Variants in SNX29 observed in about 807,000 individuals in gnomAD.
SNX29 encodes sorting nexin-29.
A neutral mutation model predicts 102.1 loss-of-function variants in SNX29; 78 were observed. The observed-to-expected ratio is 0.76, with a 90% CI of 0.64 to 0.92. The LOEUF is 0.92. Among genes scored for constraint, SNX29 ranks in the 40% least tolerant of loss-of-function variants. The probability of loss-of-function intolerance (pLI) is 0.00; values close to 1 mark genes in which losing one functional copy is unlikely to be tolerated. For missense variants in SNX29, 1,280 were observed against 1,061.7 expected (o/e 1.21, Z -2.86); for synonymous variants, 580 against 414.5 (o/e 1.40, Z -4.85).
intron 20 of SNX29, among the ~76,000 whole-genome samples, chr16:12,549,727 A>C (rs1425715729): frequency 6.6e-6 from 1 of 152,160 alleles, no homozygotes; most frequent in Admixed American, 6.5e-5. Flanking sequence ...TCACCCTACA[A>C]AGTGTGTTCC....
intron 15 of SNX29, among the ~76,000 whole-genome samples, chr16:12,287,917 A>C (rs959448706): frequency 6.6e-6 from 1 of 152,144 alleles, no homozygotes; most frequent in African/African-American, 2.4e-5. Context: ...GGTGTATTAC[A>C]TGTGTGGTAC....
chr16:12,199,715 G>C, intron 14 of SNX29, 32 bp downstream of exon 14: 1 of 1,593,414 alleles, frequency 6.3e-7, no homozygotes, highest in South Asian at 1.1e-5. Flanking sequence ...GGTTGGGAGG[G>C]GCCGGGCTTT....
rs1468859460 is a variant in SNX29 at position 12,483,116 on chromosome 16, T to TTTTTG, written c.2178+5261_2178+5262insGTTTT. ...TAGATACATATTGAAGTTATTAAGTTTTTTTTTTTTTTTTTTTTTTTTTTT... is the reference window on the plus strand; with the variant it reads ...TAGATACATATTGAAGTTATTAAGTTTTTTGTTTTTTTTTTTTTTTTTTTTTTTTT... On this transcript the variant is annotated intron_variant, in intron 19 of 20. Transcript: ENST00000566228. 1.8e-3 allele frequency among the ~76,000 whole-genome samples: 169 copies of TTTTTG among 93,050 alleles called. 9 individuals are homozygous for TTTTTG. Among genetic ancestry groups the TTTTTG allele is most frequent in the African/African-American group, 9.1e-3 (165 of 18,058 alleles). The allele number at this position is 93,050 out of a possible 152,430, so 61.0% of individuals were successfully genotyped here.
At chr16:12,471,015 C>CGTGAACCCAG (rs2087312158) in intron 18 of SNX29, among the ~76,000 whole-genome samples, 1 of 152,022 alleles carries the variant, frequency 6.6e-6, no homozygotes, top group Non-Finnish European at 1.5e-5. Context: ...ACTGTGGGGA[C>CGTGAACCCAG]GTGAACCCAG....
chr16:12,502,699 G>C (rs7197034), intron 19 of SNX29, among the ~76,000 whole-genome samples: 62,038 of 152,040 alleles, frequency 0.41, 13,457 homozygotes, highest in South Asian at 0.6. Flanking sequence ...TTTGTTCTCA[G>C]TACCCTCTAC....
Position 12,525,698 on chromosome 16 carries a change from A to ACC in SNX29, c.2318+867_2318+868dup, listed in dbSNP as rs34182279. On this transcript the variant is annotated intron_variant, in intron 20 of 20. Transcript: ENST00000566228. ...CAGAGCAAGACTCCACGCCCCCCCC[A>ACC]CCCCCCCCCCCAAAAAAAAGAAAAA... 1.8e-3 allele frequency among the ~76,000 whole-genome samples: 102 copies of ACC among 57,082 alleles called. No homozygotes were observed. In the East Asian group the frequency reaches 0.024, roughly 13 times the overall value. 37.4% of individuals were successfully genotyped at this position (57,082 alleles called of 152,430 possible).
intron 20 of SNX29, among the ~76,000 whole-genome samples, chr16:12,548,207 G>C (rs577153712): frequency 6.6e-6 from 1 of 152,166 alleles, no homozygotes; most frequent in Admixed American, 6.5e-5. Context: ...CTCCCACAAG[G>C]CCACGCTGGA....
intron 20 of SNX29, chr16:12,546,466 C>T (rs1454511646): frequency 6.6e-6 from 1 of 152,174 alleles, no homozygotes; most frequent in Non-Finnish European, 1.5e-5. Flanking sequence ...GAAACCATCA[C>T]ATTCACTGTC....
At chr16:12,513,183 C>T (rs532349599) in intron 19 of SNX29, among the ~76,000 whole-genome samples, 1 of 150,896 alleles carries the variant, frequency 6.6e-6, no homozygotes, top group African/African-American at 2.4e-5. Flanking sequence ...CCTCCCATAC[C>T]TTTCCTCCCT....
intron 16 of SNX29, among the ~76,000 whole-genome samples, chr16:12,386,251 G>A (rs763545551): frequency 1.3e-5 from 2 of 152,166 alleles, no homozygotes; most frequent in South Asian, 2.1e-4. Context: ...GTGCTGGTGC[G>A]GCTTCCAGAT....
rs984377916 is a variant in SNX29, at chr16:11,976,996, C to G, written c.7+183C>G. 3.6e-5 allele frequency: 26 copies of G among 725,876 alleles called. No homozygotes were observed. In the African/African-American group the frequency reaches 3.9e-4, roughly 11 times the overall value. 45.0% of individuals were successfully genotyped at this position (725,876 alleles called of 1,614,324 possible). ...TCGTGGCCCCTGCTCACCTGCGGGT[C>G]TCTGATCTCCCGTGGCGGGGCACTC... On this transcript the variant is annotated intron_variant, in intron 1 of 20. Transcript: ENST00000566228.
rs925510118 is a variant in SNX29 at position 12,228,343 on chromosome 16, G to T, written c.1678+28660G>T. 4.6e-5 allele frequency among the ~76,000 whole-genome samples: 7 copies of T among 152,262 alleles called. No individual in the cohort carries two copies. The East Asian group carries it at 1.2e-3, about 25-fold the overall frequency. On this transcript the variant is annotated intron_variant, in intron 14 of 20. Coordinates refer to ENST00000566228, the MANE Select transcript of SNX29 (RefSeq NM_032167.5). ...TGATCCCTGTCTAAACTTCCAGCAC[G>T]TTCTCAGCACAGTGTTATAGATGGC...
intron 19 of SNX29, 55 bp downstream of exon 19, chr16:12,477,914 TTTA>T: frequency 6.6e-7 from 1 of 1,521,664 alleles, no homozygotes; most frequent in Non-Finnish European, 8.8e-7. Flanking sequence ...AAATGGATTA[TTTA>T]TTCTTCTTCT....
intron 19 of SNX29, among the ~76,000 whole-genome samples, chr16:12,497,784 C>T (rs572515153): frequency 4.1e-4 from 62 of 152,280 alleles, no homozygotes; most frequent in Non-Finnish European, 7.1e-4. Context: ...GCGCCTCAGG[C>T]AGAAAGAGCA....
At chr16:12,151,291 T>G (rs142380349) in intron 13 of SNX29, among the ~76,000 whole-genome samples, 75 of 144,676 alleles carry the variant, frequency 5.2e-4, no homozygotes, top group African/African-American at 1.5e-3. Flanking sequence ...ACAAAAAAAT[T>G]ATCACCACAC....
intron 14 of SNX29, among the ~76,000 whole-genome samples, chr16:12,256,025 C>G (rs1217845978): frequency 6.6e-6 from 1 of 152,156 alleles, no homozygotes; most frequent in Non-Finnish European, 1.5e-5. Context: ...TTTCCCAGTC[C>G]TCACCAACAT....
chr16:12,080,667 A>C (rs1596803888), intron 11 of SNX29, among the ~76,000 whole-genome samples: 1 of 150,326 alleles, frequency 6.7e-6, no homozygotes, highest in African/African-American at 2.4e-5. Context: ...GGCATGAGCC[A>C]CCGTGCCCGG....
intron 18 of SNX29, among the ~76,000 whole-genome samples, chr16:12,413,517 A>G (rs2084492029): frequency 6.6e-6 from 1 of 152,024 alleles, no homozygotes; most frequent in Non-Finnish European, 1.5e-5. Context: ...AGCAGGAAGG[A>G]TACTGTGGAG....
chr16:12,273,929 A>C (rs1596715037), intron 14 of SNX29, among the ~76,000 whole-genome samples: 1 of 151,998 alleles, frequency 6.6e-6, no homozygotes, highest in Admixed American at 6.6e-5. Context: ...CATTCCTCTC[A>C]TGGCTGAATA....
Sources: allele counts gnomAD v4.1 joint callset (sites outside exome capture counted in the v4.1 genomes callset), GRCh38; gene constraint gnomAD v4.1.1; transcripts MANE v1.5; gene names NCBI Gene and HGNC (gene_info 2026-07-23, HGNC 2026-07-21).